Variants in A2ML1 observed in about 807,000 individuals in gnomAD.
A2ML1 encodes the protein alpha-2-macroglobulin like 1, also known as alpha-2-macroglobulin-like protein 1.
A neutral mutation model predicts 181.9 loss-of-function variants in A2ML1; 161 were observed. The observed-to-expected ratio is 0.89, with a 90% CI of 0.78 to 1.01. The LOEUF is 1.01. Among genes scored for constraint, A2ML1 ranks in the 50% least tolerant of loss-of-function variants. The pLI is 0.00. For missense variants in A2ML1, 1,670 were observed against 1,768.1 expected, an observed-to-expected ratio of 0.94 and a Z score of 1.00; for synonymous variants, 663 against 666.8, an observed-to-expected ratio of 0.99 and a Z score of 0.09.
chr12:8,849,908 G>T, intron 17 of A2ML1, 149 bp downstream of exon 17: 2 of 762,974 alleles, frequency 2.6e-6, no homozygotes, highest in Non-Finnish European at 4.2e-6. Context: ...AGTTTCCCAA[G>T]TGTTCTCTCT....
At chr12:8,836,837 T>C (rs760710867) in intron 7 of A2ML1, among the ~76,000 whole-genome samples, 1 of 152,022 alleles carries the variant, frequency 6.6e-6, no homozygotes, top group African/African-American at 2.4e-5. Context: ...CTCACTCAGA[T>C]AGTATTATTG....
At chr12:8,828,820 T>A (rs752603449) in intron 3 of A2ML1, among the ~76,000 whole-genome samples, 1 of 152,318 alleles carries the variant, frequency 6.6e-6, no homozygotes, top group South Asian at 2.1e-4. Context: ...GAACTCAGCT[T>A]CCAACCGCTG....
At chr12:8,823,140 A>G (rs749608036) in intron 1 of A2ML1, 42 bp from the exon 2 acceptor site, 8 of 1,588,400 alleles carry the variant, frequency 5.0e-6, no homozygotes, top group Admixed American at 1.7e-5. Flanking sequence ...TTTCGAGTGA[A>G]TGAATCATTA....
Position 8,838,366 on chromosome 12 carries a change from G to T in A2ML1, c.886G>T (p.Val296Leu). 2 of 1,613,728 alleles carry T rather than the reference G, an allele frequency of 1.2e-6. No homozygotes were observed. The highest frequency in any genetic ancestry group is 2.7e-5 in the African/African-American group (2 of 75,032). The change falls in exon 9 of 36, where the codon GTG (valine) becomes TTG (leucine). Residue 296 changes from valine (V) to leucine (L), a missense_variant. Transcript: ENST00000299698. The part of the protein sequence containing the change: ...TDKTGCFSAP[V>L]DMATFDLIGY... The stretch of plus-strand genomic sequence containing the variant: ...CAAAACAGGATGTTTCTCAGCACCT[G>T]TGGACATGGCCACCTTTGACCTCAT...
intron 2 of A2ML1, 24 bp from the exon 3 acceptor site, chr12:8,823,696 C>T (rs751829139): frequency 1.9e-6 from 3 of 1,608,166 alleles, no homozygotes; most frequent in South Asian, 2.2e-5. Context: ...TTACCCCTCC[C>T]CAGAAGTCCC....
rs1329778180 is a variant in A2ML1, at chr12:8,843,197, GC to G, written c.1314del (p.Tyr439ThrfsTer20). 6.2e-7 allele frequency: 1 copy of G among 1,614,156 alleles called. No homozygotes were observed. The highest frequency in any genetic ancestry group is 1.1e-5 in the South Asian group (1 of 91,082). ...PEQVPRYYQN[A>X]YLHLRPFYST... ...ACAAGTGCCACGTTACTACCAAAAT[GC>G]CTACCTGCACCTGCGACCCTTCTAC... On this transcript the variant is annotated frameshift_variant, in exon 12 of 36. Transcript: ENST00000299698. LOFTEE classifies it high-confidence loss of function.
chr12:8,850,576 TCAACAA>T, intron 18 of A2ML1, among the ~76,000 whole-genome samples: 2 of 151,662 alleles, frequency 1.3e-5, no homozygotes, highest in East Asian at 1.9e-4. Flanking sequence ...CTTCTCAAAA[TCAACAA>T]CGACAACGAC....
At chr12:8,850,428 A>G (rs935038514) in intron 18 of A2ML1, among the ~76,000 whole-genome samples, 154 bp downstream of exon 18, 12 of 152,086 alleles carry the variant, frequency 7.9e-5, no homozygotes, top group African/African-American at 2.9e-4. Context: ...CTACAAAAGA[A>G]ATTAAAAAAA....
rs1944733423 is a variant in A2ML1, at chr12:8,874,429, T to C, written c.4226T>C (p.Ile1409Thr). ...DTLNIYLDELIKNTQTYTFTI... is the reference protein window; with the variant it reads ...DTLNIYLDELTKNTQTYTFTI... Reference sequence around the variant, plus strand: ...TTTCATCTGTCTTCCCCACAGCTCATTAAGAACACTCAGACTTACACCTTC... The same window carrying C: ...TTTCATCTGTCTTCCCCACAGCTCACTAAGAACACTCAGACTTACACCTTC... Residue 1409 changes from isoleucine to threonine, a missense_variant, in exon 34 of 36, where the codon ATT (isoleucine) becomes ACT (threonine). Coordinates refer to ENST00000299698, the MANE Select transcript of A2ML1 (RefSeq NM_144670.6). 6.2e-7 allele frequency: 1 copy of C among 1,613,310 alleles called. No individual in the cohort carries two copies. The highest frequency in any genetic ancestry group is 8.5e-7 in the Non-Finnish European group (1 of 1,179,390).
At position 8,851,844 on chromosome 12, in the gene A2ML1, G is replaced by C. The variant is rs79067860; in HGVS notation, c.2295G>C (p.Ala765=). ...CTGACGCCATCACCGAGTGGAAGGC[G>C]ATGAGTTTCTGCACTTCCCAGTCAA... ...TVPDAITEWK[A]MSFCTSQSRG... The change falls in exon 19 of 36, where the codon GCG becomes GCC. Residue 765 remains alanine, a synonymous_variant. Transcript: ENST00000299698. 1 of 1,614,054 alleles carries C rather than the reference G, an allele frequency of 6.2e-7. No homozygotes were observed. The highest frequency in any genetic ancestry group is 2.2e-5 in the East Asian group (1 of 44,898).
At chr12:8,858,216 A>G (rs971354998) in intron 26 of A2ML1, 114 bp downstream of exon 26, 34 of 1,300,150 alleles carry the variant, frequency 2.6e-5, no homozygotes, top group Non-Finnish European at 3.4e-5. Context: ...CCTGATCTCC[A>G]CTGTGGCTCT....
chr12:8,841,021 A>AGGAT (rs754296235), intron 10 of A2ML1, among the ~76,000 whole-genome samples: 1 of 122,890 alleles, frequency 8.1e-6, no homozygotes, highest in Non-Finnish European at 1.7e-5. Flanking sequence ...GACGGAAGGA[A>AGGAT]GGAAGGAAGG....
intron 33 of A2ML1, among the ~76,000 whole-genome samples, chr12:8,871,716 C>G (rs1944627916): frequency 6.6e-6 from 1 of 152,022 alleles, no homozygotes; most frequent in Non-Finnish European, 1.5e-5. Flanking sequence ...ATGAACATAT[C>G]TTCTTATTAA....
intron 12 of A2ML1, among the ~76,000 whole-genome samples, chr12:8,844,647 T>G (rs937239513): frequency 6.6e-6 from 1 of 151,912 alleles, no homozygotes; most frequent in African/African-American, 2.4e-5. Context: ...TGAGAGACTT[T>G]CTCCCCTCTG....
chr12:8,823,122 G>A (rs1297005570), intron 1 of A2ML1, 60 bp from the exon 2 acceptor site: 17 of 1,539,954 alleles, frequency 1.1e-5, no homozygotes, highest in Non-Finnish European at 1.4e-5. Context: ...TTAGGAGAGT[G>A]CTGGATTTTT....
In A2ML1 at chr12:8,838,869, C is replaced by T. The variant is rs887674989; in HGVS notation, c.971-244C>T. ...GGTGGAGCTTGCAGTGAGCCGAGAT[C>T]GTGCCACTGCACTCCAGCCTGGGCA... On this transcript the variant is annotated intron_variant, in intron 9 of 35. Coordinates refer to ENST00000299698, the MANE Select transcript of A2ML1 (RefSeq NM_144670.6). 4.8e-5 allele frequency among the ~76,000 whole-genome samples: 7 copies of T among 145,630 alleles called. No homozygotes were observed. In the East Asian group the frequency reaches 1.0e-3, roughly 21 times the overall value.
At chr12:8,868,167 T>C in intron 30 of A2ML1, 63 bp from the exon 31 acceptor site, 1 of 1,611,184 alleles carries the variant, frequency 6.2e-7, no homozygotes, top group Non-Finnish European at 8.5e-7. Context: ...AAAAGTAGTT[T>C]GAACTGTACA....
intron 11 of A2ML1, among the ~76,000 whole-genome samples, chr12:8,842,422 T>C (rs1479198469): frequency 3.3e-5 from 5 of 151,966 alleles, no homozygotes; most frequent in Non-Finnish European, 4.4e-5. Context: ...GGTTTCACTG[T>C]GTTAGCCAGG....
intron 5 of A2ML1, 89 bp from the exon 6 acceptor site, chr12:8,835,418 T>TA (rs1816744008): frequency 3.2e-6 from 5 of 1,552,600 alleles, no homozygotes; most frequent in East Asian, 2.3e-5. Flanking sequence ...TGGGGTTTTT[T>TA]ACCTGCCTTT....
Sources: allele counts gnomAD v4.1 joint callset (sites outside exome capture counted in the v4.1 genomes callset), GRCh38; gene constraint gnomAD v4.1.1; transcripts MANE v1.5; gene names NCBI Gene and HGNC (gene_info 2026-07-23, HGNC 2026-07-21).